Variants in GPHN observed in about 807,000 individuals in gnomAD.
GPHN encodes gephyrin.
GPHN carries 17 observed loss-of-function variants against 95.5 expected under a neutral mutation model. That is an observed-to-expected ratio of 0.18 (90% CI 0.12 to 0.27). The LOEUF (loss-of-function observed/expected upper bound fraction) is 0.27, where lower values mean the gene tolerates loss of function less well. Among genes scored for constraint, GPHN ranks in the 10% least tolerant of loss-of-function variants. The pLI, the probability that GPHN is intolerant of heterozygous loss-of-function variation, is 1.00. For missense variants in GPHN, 660 were observed against 978.1 expected, an observed-to-expected ratio of 0.67 and a Z score of 4.34; for synonymous variants, 320 against 322.5, an observed-to-expected ratio of 0.99 and a Z score of 0.08.
At chr14:67,725,985 A>C in the GPHN span, 1 of 1,039,788 alleles carries the variant, frequency 9.6e-7, no homozygotes, top group Non-Finnish European at 1.5e-6. Context: ...GCAATTATGC[A>C]GGTCTGTTAC....
chr14:67,694,451 T>TATAC, the GPHN span, among the ~76,000 whole-genome samples: 83 of 143,828 alleles, frequency 5.8e-4, 1 homozygote, highest in East Asian at 1.0e-3. Context: ...TATATATATA[T>TATAC]ACACACACAC....
At chr14:66,769,879 G>T (rs1316802091) in intron 2 of GPHN, among the ~76,000 whole-genome samples, 1 of 152,082 alleles carries the variant, frequency 6.6e-6, no homozygotes. Flanking sequence ...TGAGAGTTCT[G>T]TTTCAGCTCT....
chr14:67,439,533 G>GTTTCTTTCTTTCTTTCTTTCTTTC, the GPHN span, among the ~76,000 whole-genome samples: 9 of 96,062 alleles, frequency 9.4e-5, no homozygotes, highest in Admixed American at 1.1e-4. Flanking sequence ...AAATTCAATA[G>GTTTCTTTCTTTCTTTCTTTCTTTC]TTTCTTTCTT....
At chr14:67,425,245 G>A in the GPHN span, among the ~76,000 whole-genome samples, 3 of 152,116 alleles carry the variant, frequency 2.0e-5, no homozygotes, top group African/African-American at 4.8e-5. Context: ...CACCATGCCT[G>A]CCTAATTTTT....
chr14:66,841,028 GATATA>G (rs2062066131), intron 4 of GPHN, among the ~76,000 whole-genome samples: 2 of 133,718 alleles, frequency 1.5e-5, no homozygotes, highest in Non-Finnish European at 3.1e-5. Flanking sequence ...TATAGATATA[GATATA>G]GGTATAGATA....
the GPHN span, among the ~76,000 whole-genome samples, chr14:67,248,833 T>C: frequency 0.16 from 23,463 of 150,854 alleles, 3,421 homozygotes; most frequent in East Asian, 0.42. Context: ...TTATTTTATT[T>C]TTTTGAGATA....
At chr14:67,056,209 G>A (rs1018368975) in intron 10 of GPHN, among the ~76,000 whole-genome samples, 3 of 152,190 alleles carry the variant, frequency 2.0e-5, no homozygotes, top group South Asian at 2.1e-4. Context: ...TGATTGGTCC[G>A]TTTTCACAGG....
the GPHN span, among the ~76,000 whole-genome samples, chr14:67,431,063 T>C: frequency 6.6e-6 from 1 of 152,136 alleles, no homozygotes; most frequent in Non-Finnish European, 1.5e-5. Flanking sequence ...CAGCTAATTC[T>C]AGTTCACCAA....
intron 2 of GPHN, among the ~76,000 whole-genome samples, chr14:66,770,519 G>A (rs560729187): frequency 6.6e-5 from 10 of 152,074 alleles, no homozygotes; most frequent in East Asian, 1.9e-4. Context: ...GAAAGTTACT[G>A]TAGAAAATTG....
At chr14:66,910,492 A>G (rs1478974577) in intron 5 of GPHN, among the ~76,000 whole-genome samples, 1 of 151,986 alleles carries the variant, frequency 6.6e-6, no homozygotes. Context: ...ACTTTTATAC[A>G]GTAAAACTGC....
At chr14:67,494,371 G>T in the GPHN span, among the ~76,000 whole-genome samples, 1 of 152,198 alleles carries the variant, frequency 6.6e-6, no homozygotes, top group Non-Finnish European at 1.5e-5. Context: ...ACCCAAAGAG[G>T]TTATGCAGCT....
the GPHN span, chr14:67,575,869 T>C: frequency 9.3e-6 from 15 of 1,613,826 alleles, no homozygotes; most frequent in Non-Finnish European, 1.3e-5. Context: ...ATAGAGGAAG[T>C]AGATCGATCC....
At chr14:66,697,346 G>C (rs553527997) in intron 2 of GPHN, among the ~76,000 whole-genome samples, 1 of 152,262 alleles carries the variant, frequency 6.6e-6, no homozygotes, top group South Asian at 2.1e-4. Context: ...CACAGTATCA[G>C]GTTTTGTGAA....
At chr14:67,687,890 G>C in the GPHN span, among the ~76,000 whole-genome samples, 1 of 151,800 alleles carries the variant, frequency 6.6e-6, no homozygotes, top group African/African-American at 2.4e-5. Flanking sequence ...TCCTGCCTCA[G>C]CCTCTCCAGT....
At position 66,774,235 on chromosome 14, in the gene GPHN, C is replaced by A. The variant is rs1180690593; in HGVS notation, c.144-2229C>A. Among the ~76,000 whole-genome samples the A allele has an allele frequency of 1.8e-4, 28 of 151,838 alleles. 1 individual carries two copies. The highest frequency in any genetic ancestry group is 1.8e-3 in the Admixed American group (28 of 15,258). ...GCCAGGATGGTCTCGATCTCCTGACCTCGTGATCCGCCCGCCTCGGGCTCC... is the reference window on the plus strand; with the variant it reads ...GCCAGGATGGTCTCGATCTCCTGACATCGTGATCCGCCCGCCTCGGGCTCC... On this transcript the variant is annotated intron_variant, in intron 2 of 22. Coordinates refer to ENST00000478722, the MANE Select transcript of GPHN (RefSeq NM_020806.5).
intron 9 of GPHN, among the ~76,000 whole-genome samples, chr14:67,019,530 C>T (rs1012364464): frequency 1.3e-5 from 2 of 152,118 alleles, no homozygotes; most frequent in African/African-American, 2.4e-5. Context: ...TTTTTGAAAT[C>T]GGATTTGTGT....
At position 66,975,567 on chromosome 14, in the gene GPHN, G is replaced by A. The variant is rs551718371; in HGVS notation, c.963+10242G>A. ...GCGAGGCACAGCATATTGAGTACCA[G>A]CCCTAGGCTACCATATTATAACTTT... On this transcript the variant is annotated intron_variant, in intron 9 of 22. Coordinates refer to ENST00000478722, the MANE Select transcript of GPHN (RefSeq NM_020806.5). Among the ~76,000 whole-genome samples, 17 of 152,156 alleles carry A rather than the reference G, an allele frequency of 1.1e-4. No homozygotes were observed. The South Asian group carries it at 1.5e-3, about 13-fold the overall frequency.
intron 5 of GPHN, among the ~76,000 whole-genome samples, chr14:66,890,797 T>C (rs2044715174): frequency 7.7e-6 from 1 of 129,952 alleles, no homozygotes; most frequent in African/African-American, 4.0e-5. Context: ...AGTAGCAGAA[T>C]GGAGGGAAAA....
intron 3 of GPHN, among the ~76,000 whole-genome samples, chr14:66,815,455 A>G (rs2060924552): frequency 6.6e-6 from 1 of 152,214 alleles, no homozygotes; most frequent in Non-Finnish European, 1.5e-5. Context: ...CCATCCAACT[A>G]ACAGCAGACA....
Sources: allele counts gnomAD v4.1 joint callset (sites outside exome capture counted in the v4.1 genomes callset), GRCh38; gene constraint gnomAD v4.1.1; transcripts MANE v1.5; gene names NCBI Gene and HGNC (gene_info 2026-07-23, HGNC 2026-07-21).